HMGN5: variants seen among roughly 807,000 people sequenced by gnomAD.
The protein encoded by HMGN5 is high mobility group nucleosome binding domain 5.
In HMGN5, 4 loss-of-function variants were observed where a neutral mutation model predicts 9.5. The observed-to-expected ratio is 0.42, with a 90% confidence interval of 0.21 to 0.96. HMGN5 has a LOEUF of 0.96. HMGN5 is among the 40% of genes least tolerant of loss of function. The pLI is 0.30. For missense variants in HMGN5, 192 were observed against 187.5 expected (o/e 1.02, Z -0.14); for synonymous variants, 55 against 57.1 (o/e 0.96, Z 0.16).
intron 1 of HMGN5, among the ~76,000 whole-genome samples, chrX:81,164,392 C>A (rs1317836636): frequency 9.0e-6 from 1 of 111,109 alleles, no homozygotes; most frequent in African/African-American, 3.3e-5. Flanking sequence ...CAAACCAGGA[C>A]CACCTCCTTA....
intron 1 of HMGN5, among the ~76,000 whole-genome samples, chrX:81,140,941 G>C (rs774165267): frequency 1.9e-4 from 21 of 111,340 alleles, no homozygotes; most frequent in Admixed American, 1.5e-3. Context: ...TGCCCTGAAG[G>C]GTGAGTCTCA....
chrX:81,118,748 T>C lies in HMGN5; in HGVS notation c.57A>G (p.Arg19=), dbSNP rs910942509. The C allele has an allele frequency of 8.4e-7, 1 of 1,191,501 alleles. No individual in the cohort carries two copies. ...TACTTACAGCAGACAACCTGGCAGATCTTCTCTTTGGCTATAAGTTAAAAA... is the reference window on the plus strand; with the variant it reads ...TACTTACAGCAGACAACCTGGCAGACCTTCTCTTTGGCTATAAGTTAAAAA... ...QGDMRQEPKR[R]SARLSAMLVP... The change falls in exon 4 of 7, where the codon AGA becomes AGG. Residue 19 remains arginine, a synonymous_variant. Transcript: ENST00000358130.
At chrX:81,185,314 T>C (rs978402310) in intron 1 of HMGN5, among the ~76,000 whole-genome samples, 2 of 111,943 alleles carry the variant, frequency 1.8e-5, no homozygotes, top group Non-Finnish European at 3.8e-5. Context: ...TAGTTTTTAT[T>C]GTAGAGATCA....
intron 1 of HMGN5, among the ~76,000 whole-genome samples, chrX:81,128,914 G>A (rs750567028): frequency 3.6e-5 from 4 of 111,533 alleles, no homozygotes; most frequent in South Asian, 3.7e-4. Context: ...TCAAGTCTTC[G>A]TTTCTTCCAG....
intron 1 of HMGN5, among the ~76,000 whole-genome samples, chrX:81,163,463 TAGAC>T (rs1282577716): frequency 8.9e-6 from 1 of 112,193 alleles, no homozygotes; most frequent in East Asian, 2.8e-4. Context: ...AATCAAGTTC[TAGAC>T]AGACAGGTAG....
chrX:81,157,751 A>G lies in HMGN5; in HGVS notation c.-123-36079T>C, dbSNP rs1444073599. Among the ~76,000 whole-genome samples the G allele has an allele frequency of 2.7e-5, 3 of 111,392 alleles. No individual in the cohort carries two copies. The Admixed American group carries it at 2.9e-4, about 11-fold the overall frequency. The stretch of plus-strand genomic sequence containing the variant: ...TGAGGCCTGAGTTTCCTGGAGTTAT[A>G]TAAAAAATTTTATCAACTGACCCAG... On this transcript the variant is annotated intron_variant, in intron 1 of 6. Coordinates refer to ENST00000358130, the MANE Select transcript of HMGN5 (RefSeq NM_030763.3).
intron 3 of HMGN5, among the ~76,000 whole-genome samples, chrX:81,119,055 A>G (rs1187506214): frequency 8.9e-6 from 1 of 111,954 alleles, no homozygotes; most frequent in African/African-American, 3.2e-5. Flanking sequence ...TTGCCAAATG[A>G]CAAAGCAATT....
At chrX:81,180,286 A>C (rs2075458464) in intron 1 of HMGN5, among the ~76,000 whole-genome samples, 1 of 111,026 alleles carries the variant, frequency 9.0e-6, no homozygotes, top group Non-Finnish European at 1.9e-5. Flanking sequence ...ATGGGAGAAA[A>C]TTTTTGCAAT....
intron 1 of HMGN5, among the ~76,000 whole-genome samples, chrX:81,137,014 G>A (rs2075312991): frequency 9.0e-6 from 1 of 111,413 alleles, no homozygotes; most frequent in African/African-American, 3.3e-5. Context: ...AAATGTGCAT[G>A]GATTAAACAA....
In HMGN5 at chrX:81,199,649, C is replaced by T. The variant is rs368540831; in HGVS notation, c.-124+2088G>A. ...GGGAAAGGATTCCCTATTTAATAAA[C>T]GGTGCTGGGAAAACTGGCTAGCCAT... On this transcript the variant is annotated intron_variant, in intron 1 of 6. Transcript: ENST00000358130. Among the ~76,000 whole-genome samples, 42 of 111,632 alleles carry T rather than the reference C, an allele frequency of 3.8e-4. No individual in the cohort carries two copies. The South Asian group carries it at 0.011, about 30-fold the overall frequency.
At chrX:81,135,471 A>G (rs73508639) in intron 1 of HMGN5, among the ~76,000 whole-genome samples, 3,124 of 112,003 alleles carry the variant, frequency 0.028, 107 homozygotes, top group African/African-American at 0.095. Context: ...ATGGGTAAGT[A>G]AAAGGTAGTG....
chrX:81,143,965 C>A (rs1467892260), intron 1 of HMGN5, among the ~76,000 whole-genome samples: 1 of 111,976 alleles, frequency 8.9e-6, no homozygotes, highest in Admixed American at 9.4e-5. Context: ...CCTCTCTTGG[C>A]AGGTCATCTC....
At chrX:81,143,316 C>T (rs1253780590) in intron 1 of HMGN5, among the ~76,000 whole-genome samples, 1 of 111,599 alleles carries the variant, frequency 9.0e-6, no homozygotes, top group African/African-American at 3.3e-5. Flanking sequence ...GGACTAAACT[C>T]TCCCATCAAA....
intron 1 of HMGN5, among the ~76,000 whole-genome samples, chrX:81,170,277 C>A (rs1402770317): frequency 9.0e-6 from 1 of 110,761 alleles, no homozygotes; most frequent in East Asian, 2.8e-4. Context: ...TAAGTACTTG[C>A]AAAACTATTT....
At chrX:81,164,782 C>T (rs1412502144) in intron 1 of HMGN5, among the ~76,000 whole-genome samples, 9 of 111,400 alleles carry the variant, frequency 8.1e-5, no homozygotes, top group Non-Finnish European at 1.5e-4. Context: ...AGAGGCTTTA[C>T]AGCAGGGAAG....
chrX:81,158,675 C>T (rs904195066), intron 1 of HMGN5, among the ~76,000 whole-genome samples: 3 of 112,092 alleles, frequency 2.7e-5, no homozygotes, highest in Non-Finnish European at 5.6e-5. Flanking sequence ...TTAATTCGAT[C>T]CCATTTGTCA....
At chrX:81,117,211 G>A (rs1360237844) in intron 5 of HMGN5, among the ~76,000 whole-genome samples, 1 of 106,966 alleles carries the variant, frequency 9.3e-6, no homozygotes, top group African/African-American at 3.4e-5. Flanking sequence ...TGGTTATATA[G>A]TATATGTTTT....
chrX:81,128,008 T>G (rs1569341742), intron 1 of HMGN5, among the ~76,000 whole-genome samples: 1 of 111,599 alleles, frequency 9.0e-6, no homozygotes, highest in East Asian at 2.8e-4. Flanking sequence ...CGTTAAAATT[T>G]ATGTCTTAAG....
intron 1 of HMGN5, among the ~76,000 whole-genome samples, chrX:81,169,396 G>T (rs1471305989): frequency 9.0e-6 from 1 of 111,721 alleles, no homozygotes; most frequent in Non-Finnish European, 1.9e-5. Flanking sequence ...AATAAAAGTT[G>T]TAGGGGATAT....
Sources: gnomAD v4.1 joint callset for allele counts (sites outside exome capture counted in the v4.1 genomes callset) on GRCh38, gnomAD v4.1.1 for gene constraint, MANE v1.5 for transcripts, NCBI Gene and HGNC (gene_info 2026-07-23, HGNC 2026-07-21) for gene names.